The following DLG2 variants were observed in gnomAD, a reference collection of about 807,000 sequenced individuals.
The protein encoded by DLG2 is disks large homolog 2.
In DLG2, 45 loss-of-function variants were observed where a neutral mutation model predicts 132.5. The observed-to-expected ratio is 0.34, with a 90% CI of 0.27 to 0.44. DLG2 has a LOEUF of 0.44. Among genes scored for constraint, DLG2 ranks in the 20% least tolerant of loss-of-function variants. The pLI, the probability that DLG2 is intolerant of heterozygous loss-of-function variation, is 1.00. For missense variants in DLG2, 1,045 were observed against 1,196.9 expected (o/e 0.87, Z 1.87); for synonymous variants, 424 against 419.6 (o/e 1.01, Z -0.13).
chr11:83,577,554 A>AT (rs2096893746), intron 19 of DLG2, among the ~76,000 whole-genome samples: 1 of 84,786 alleles, frequency 1.2e-5, no homozygotes, highest in Non-Finnish European at 2.1e-5. Flanking sequence ...GGACAGAATT[A>AT]ATAGAATATA....
intron 6 of DLG2, among the ~76,000 whole-genome samples, chr11:84,844,131 GTGTGTA>G (rs1309659129): frequency 3.5e-3 from 93 of 26,388 alleles, no homozygotes; most frequent in South Asian, 0.015. Flanking sequence ...GTGTGTGTGT[GTGTGTA>G]TATATATATA....
chr11:85,488,737 T>C (rs1218181394), intron 3 of DLG2, among the ~76,000 whole-genome samples: 1 of 152,162 alleles, frequency 6.6e-6, no homozygotes, highest in African/African-American at 2.4e-5. Context: ...TGGAAGCCCA[T>C]AATTCTATAT....
intron 5 of DLG2, among the ~76,000 whole-genome samples, chr11:85,132,496 A>G (rs1404153726): frequency 6.6e-6 from 1 of 152,004 alleles, no homozygotes; most frequent in Non-Finnish European, 1.5e-5. Flanking sequence ...ATAGATGCAA[A>G]AGCAAATCCT....
At chr11:84,809,273 G>T (rs1598605894) in intron 6 of DLG2, among the ~76,000 whole-genome samples, 1 of 151,772 alleles carries the variant, frequency 6.6e-6, no homozygotes, top group East Asian at 1.9e-4. Context: ...GGAATAGAAG[G>T]AAACTTTCTC....
chr11:84,720,492 C>T (rs915017776), intron 6 of DLG2: 28 of 985,064 alleles, frequency 2.8e-5, no homozygotes, highest in Non-Finnish European at 3.4e-5. Flanking sequence ...GCTGCCGCTT[C>T]GATCACTGCC....
At chr11:85,414,362 C>T (rs2089624447) in intron 3 of DLG2, among the ~76,000 whole-genome samples, 1 of 151,928 alleles carries the variant, frequency 6.6e-6, no homozygotes, top group Non-Finnish European at 1.5e-5. Context: ...AGTTTGACTT[C>T]CTCTTTACTG....
chr11:84,588,941 C>A (rs1003174320), intron 6 of DLG2, among the ~76,000 whole-genome samples: 2 of 152,068 alleles, frequency 1.3e-5, no homozygotes, highest in Admixed American at 6.5e-5. Flanking sequence ...ATCAAAGAAC[C>A]CTCTCTTGGG....
At chr11:85,124,414 A>T (rs2074813386) in intron 5 of DLG2, among the ~76,000 whole-genome samples, 1 of 152,196 alleles carries the variant, frequency 6.6e-6, no homozygotes, top group Non-Finnish European at 1.5e-5. Flanking sequence ...CATCCTTTCC[A>T]TGTATAGAGT....
chr11:85,373,476 A>G (rs1255290520), intron 3 of DLG2, among the ~76,000 whole-genome samples: 3 of 152,132 alleles, frequency 2.0e-5, no homozygotes, highest in Admixed American at 6.6e-5. Context: ...TTAATCTAAC[A>G]TCAGTTAGAT....
At chr11:85,283,483 G>GAA (rs138135370) in intron 4 of DLG2, among the ~76,000 whole-genome samples, 6 of 142,696 alleles carry the variant, frequency 4.2e-5, no homozygotes, top group South Asian at 2.2e-4. Context: ...AAACAAACCA[G>GAA]AAAAAAAAAC....
At chr11:84,215,435 A>AT (rs148554094) in intron 8 of DLG2, among the ~76,000 whole-genome samples, 34,769 of 151,488 alleles carry the variant, frequency 0.23, 5,598 homozygotes, top group African/African-American at 0.45. Flanking sequence ...ACTATCAATT[A>AT]TTTTTTTTTC....
intron 6 of DLG2, among the ~76,000 whole-genome samples, chr11:84,972,748 T>G (rs2054275423): frequency 8.0e-6 from 1 of 125,764 alleles, no homozygotes; most frequent in Non-Finnish European, 1.7e-5. Context: ...TCCAGATTTC[T>G]TAAATTTACA....
chr11:85,001,913 T>C (rs2058246764), intron 6 of DLG2, among the ~76,000 whole-genome samples: 1 of 152,180 alleles, frequency 6.6e-6, no homozygotes, highest in Non-Finnish European at 1.5e-5. Context: ...AAATCTATTT[T>C]CTGCTCAATT....
At chr11:85,500,075 C>A (rs1053544328) in intron 3 of DLG2, among the ~76,000 whole-genome samples, 2 of 151,980 alleles carry the variant, frequency 1.3e-5, no homozygotes, top group Non-Finnish European at 2.9e-5. Context: ...CTATTCAACA[C>A]AGTGTTGGAA....
rs192931591 is a variant in DLG2, at chr11:83,901,932, T to C, written c.1497-27444A>G. On this transcript the variant is annotated intron_variant, in intron 15 of 27. Coordinates refer to ENST00000376104, the MANE Select transcript of DLG2 (RefSeq NM_001142699.3). The stretch of plus-strand genomic sequence containing the variant: ...AACACAATGTATGTAGTATATATTA[T>C]GGAAGATATAGTAGGTACTCAATTA... Among the ~76,000 whole-genome samples the C allele has an allele frequency of 1.8e-4, 27 of 152,306 alleles. No individual in the cohort carries two copies. In the East Asian group the frequency reaches 4.8e-3, roughly 27 times the overall value.
intron 8 of DLG2, among the ~76,000 whole-genome samples, chr11:84,172,732 G>A (rs2154270636): frequency 6.6e-6 from 1 of 152,098 alleles, no homozygotes; most frequent in South Asian, 2.1e-4. Context: ...TAGTAGAGAT[G>A]AGGTTTTGCC....
intron 6 of DLG2, among the ~76,000 whole-genome samples, chr11:85,039,667 G>A (rs1176060465): frequency 2.6e-5 from 4 of 151,652 alleles, no homozygotes; most frequent in Admixed American, 6.6e-5. Flanking sequence ...GAATTAGCAC[G>A]AGAAACAGGT....
intron 7 of DLG2, among the ~76,000 whole-genome samples, chr11:84,526,936 G>A (rs527447380): frequency 3.6e-4 from 54 of 152,014 alleles, no homozygotes; most frequent in Non-Finnish European, 7.1e-4. Flanking sequence ...CCGCCACCAC[G>A]CCCGGCTAAT....
chr11:83,865,640 C>T (rs781000142), intron 16 of DLG2, among the ~76,000 whole-genome samples: 10 of 151,838 alleles, frequency 6.6e-5, no homozygotes, highest in African/African-American at 2.2e-4. Flanking sequence ...TGGCAATGAA[C>T]GATCTCATAA....
Sources: allele counts gnomAD v4.1 joint callset (sites outside exome capture counted in the v4.1 genomes callset), GRCh38; gene constraint gnomAD v4.1.1; transcripts MANE v1.5; gene names NCBI Gene and HGNC (gene_info 2026-07-23, HGNC 2026-07-21).